Variants in COL25A1 observed in about 807,000 individuals in gnomAD.
COL25A1 encodes collagen type XXV alpha 1 chain, also known as collagen alpha-1(XXV) chain.
In COL25A1, 103 loss-of-function variants were observed where a neutral mutation model predicts 128.4. The observed-to-expected ratio is 0.80, with a 90% CI of 0.68 to 0.94. The LOEUF (loss-of-function observed/expected upper bound fraction) is 0.94. Among genes scored for constraint, COL25A1 ranks in the 40% least tolerant of loss-of-function variants. The pLI is 0.00. For synonymous variants in COL25A1, 279 were observed against 277.2 expected, an observed-to-expected ratio of 1.01 and a Z score of -0.06; for missense variants, 745 against 840.0, an observed-to-expected ratio of 0.89 and a Z score of 1.40.
chr4:109,171,381 T>C (rs1363557841), intron 3 of COL25A1, among the ~76,000 whole-genome samples: 1 of 152,120 alleles, frequency 6.6e-6, no homozygotes, highest in Non-Finnish European at 1.5e-5. Context: ...GGTGGGGCCT[T>C]TCAGAGATAA....
At chr4:108,992,631 A>G (rs1414758306) in intron 6 of COL25A1, among the ~76,000 whole-genome samples, 1 of 152,190 alleles carries the variant, frequency 6.6e-6, no homozygotes, top group African/African-American at 2.4e-5. Context: ...TATTTTCACC[A>G]AAGATTAAAT....
chr4:109,286,441 CGGT>C (rs1252513645), intron 3 of COL25A1, among the ~76,000 whole-genome samples: 3 of 152,054 alleles, frequency 2.0e-5, no homozygotes, highest in Non-Finnish European at 4.4e-5. Context: ...GGATGCCTCC[CGGT>C]GAGAAGATGA....
At chr4:109,172,137 T>C (rs1323592247) in intron 3 of COL25A1, among the ~76,000 whole-genome samples, 1 of 152,154 alleles carries the variant, frequency 6.6e-6, no homozygotes. Context: ...CTGAGAACAC[T>C]TCCTTCTGCT....
chr4:109,301,588 G>A (rs1725532944), intron 2 of COL25A1, 135 bp downstream of exon 2: 3 of 922,920 alleles, frequency 3.3e-6, no homozygotes, highest in Non-Finnish European at 5.0e-6. Flanking sequence ...TAGATCCTTG[G>A]CCAACACATG....
In COL25A1 at chr4:108,808,740, A is replaced by G. The variant is rs1255070324; in HGVS notation, c.*5187T>C. On this transcript the variant is annotated 3_prime_UTR_variant, in exon 38 of 38. Coordinates refer to ENST00000399132, the MANE Select transcript of COL25A1 (RefSeq NM_198721.4). ...GAGGCCAAGGTTTTCATGAACATCAATAAAGCTTTATAACAATACAATTCA... is the reference window on the plus strand; with the variant it reads ...GAGGCCAAGGTTTTCATGAACATCAGTAAAGCTTTATAACAATACAATTCA... The G allele has an allele frequency of 6.6e-6, 1 of 152,198 alleles. No individual in the cohort carries two copies. Among genetic ancestry groups the G allele is most frequent in the Non-Finnish European group, 1.5e-5 (1 of 68,022 alleles). 9.4% of individuals were successfully genotyped at this position (152,198 alleles called of 1,614,324 possible).
At chr4:109,223,012 T>A (rs1468808864) in intron 3 of COL25A1, among the ~76,000 whole-genome samples, 1 of 152,186 alleles carries the variant, frequency 6.6e-6, no homozygotes, top group Non-Finnish European at 1.5e-5. Flanking sequence ...CAGAAGCTGA[T>A]CCTCTCGCCC....
At position 109,035,568 on chromosome 4, in the gene COL25A1, C is replaced by T. The variant is rs566057145; in HGVS notation, c.420+12600G>A. Among the ~76,000 whole-genome samples the T allele has an allele frequency of 9.2e-5, 14 of 152,114 alleles. No homozygotes were observed. In the South Asian group the frequency reaches 1.0e-3, roughly 11 times the overall value. ...TAGATAGTATTGGAAGTTCTAGAAACGAACAGGAATGAAAGAAATTTCCTA... is the reference window on the plus strand; with the variant it reads ...TAGATAGTATTGGAAGTTCTAGAAATGAACAGGAATGAAAGAAATTTCCTA... On this transcript the variant is annotated intron_variant, in intron 5 of 37. Coordinates refer to ENST00000399132, the MANE Select transcript of COL25A1 (RefSeq NM_198721.4).
chr4:108,963,509 C>A (rs1448542407), intron 8 of COL25A1, among the ~76,000 whole-genome samples: 3 of 151,954 alleles, frequency 2.0e-5, no homozygotes, highest in African/African-American at 7.2e-5. Flanking sequence ...AGTCATCAAC[C>A]CCAAATCGAC....
intron 20 of COL25A1, among the ~76,000 whole-genome samples, chr4:108,868,593 GAAGAAAGAAAGAAA>G (rs1283733696): frequency 7.5e-6 from 1 of 132,942 alleles, no homozygotes; most frequent in Admixed American, 7.7e-5. Flanking sequence ...AGGAAGGAAG[GAAGAAAGAAAGAAA>G]AAGAAAGAAA....
chr4:109,087,262 C>CA (rs1764485162), intron 3 of COL25A1, among the ~76,000 whole-genome samples: 1 of 151,784 alleles, frequency 6.6e-6, no homozygotes, highest in African/African-American at 2.4e-5. Flanking sequence ...AAATCAAAAC[C>CA]AAAAAACTCT....
intron 17 of COL25A1, 140 bp from the exon 18 acceptor site, chr4:108,889,396 T>C: frequency 1.4e-6 from 1 of 725,538 alleles, no homozygotes; most frequent in East Asian, 2.6e-5. Context: ...CCTGTGACTC[T>C]ACATCTCACT....
intron 32 of COL25A1, among the ~76,000 whole-genome samples, chr4:108,828,183 C>T (rs978353309): frequency 9.2e-5 from 14 of 152,242 alleles, no homozygotes; most frequent in Admixed American, 4.6e-4. Context: ...CTCTGTTGCC[C>T]GGGCTAGAGT....
intron 3 of COL25A1, among the ~76,000 whole-genome samples, chr4:109,250,893 C>T (rs1181356172): frequency 6.6e-6 from 1 of 152,122 alleles, no homozygotes; most frequent in East Asian, 1.9e-4. Flanking sequence ...ACTTAATCTC[C>T]AATTAAAGAC....
chr4:109,160,796 C>T (rs964649932), intron 3 of COL25A1, among the ~76,000 whole-genome samples: 1 of 151,840 alleles, frequency 6.6e-6, no homozygotes, highest in Non-Finnish European at 1.5e-5. Context: ...CATCAGGATT[C>T]ACTCTTTTTT....
At chr4:109,064,778 T>G (rs111368203) in intron 3 of COL25A1, among the ~76,000 whole-genome samples, 1,607 of 152,304 alleles carry the variant, frequency 0.011, 19 homozygotes, top group Non-Finnish European at 0.016. Flanking sequence ...AAGAAAATCA[T>G]TTTTTCTTTC....
chr4:109,205,743 A>G (rs986515935), intron 3 of COL25A1, among the ~76,000 whole-genome samples: 1 of 152,162 alleles, frequency 6.6e-6, no homozygotes, highest in African/African-American at 2.4e-5. Flanking sequence ...AGTTTCACCT[A>G]ACACTTTCCT....
At chr4:109,102,049 T>A (rs1174570838) in intron 3 of COL25A1, among the ~76,000 whole-genome samples, 1 of 152,194 alleles carries the variant, frequency 6.6e-6, no homozygotes, top group East Asian at 1.9e-4. Context: ...TAAGGAGAAC[T>A]TTTTTTACAT....
chr4:109,146,929 A>G (rs1312413342), intron 3 of COL25A1, among the ~76,000 whole-genome samples: 1 of 152,240 alleles, frequency 6.6e-6, no homozygotes, highest in African/African-American at 2.4e-5. Flanking sequence ...GTGTACACAC[A>G]GTGGAAATAA....
chr4:109,171,643 C>G (rs1314432171), intron 3 of COL25A1, among the ~76,000 whole-genome samples: 2 of 152,268 alleles, frequency 1.3e-5, no homozygotes, highest in African/African-American at 4.8e-5. Context: ...TTGTCTTTCT[C>G]AGAGCTTTTC....
Sources: gnomAD v4.1 joint callset for allele counts (sites outside exome capture counted in the v4.1 genomes callset) on GRCh38, gnomAD v4.1.1 for gene constraint, MANE v1.5 for transcripts, NCBI Gene and HGNC (gene_info 2026-07-23, HGNC 2026-07-21) for gene names.